Variants in GPRASP3 observed in about 807,000 individuals in gnomAD.
GPRASP3 encodes the protein G protein-coupled receptor associated sorting protein 3.
chrX:102,730,082 C>T, the GPRASP3 span, among the ~76,000 whole-genome samples: 3 of 111,768 alleles, frequency 2.7e-5, no homozygotes, highest in African/African-American at 9.8e-5. Flanking sequence ...AATAATTATA[C>T]AATTCACCAT....
chrX:102,728,242 A>G, the GPRASP3 span, among the ~76,000 whole-genome samples: 3 of 111,758 alleles, frequency 2.7e-5, no homozygotes, highest in East Asian at 8.4e-4. Context: ...TGTAGAAACA[A>G]GGTATAACTG....
the GPRASP3 span, among the ~76,000 whole-genome samples, chrX:102,731,408 G>A: frequency 1.8e-5 from 2 of 111,972 alleles, no homozygotes; most frequent in African/African-American, 6.5e-5. Flanking sequence ...CAGATCACAA[G>A]GTCAGGGGTT....
At chrX:102,722,392 T>C in the GPRASP3 span, among the ~76,000 whole-genome samples, 1 of 112,613 alleles carries the variant, frequency 8.9e-6, no homozygotes, top group Non-Finnish European at 1.9e-5. Context: ...CATGTGGATT[T>C]GGGGTACACC....
the GPRASP3 span, chrX:102,751,446 TAGAG>T: frequency 8.1e-6 from 1 of 123,062 alleles, no homozygotes; most frequent in Admixed American, 9.5e-5. Context: ...CAATGAGAAT[TAGAG>T]AGGTTAAATA....
chrX:102,749,701 C>G, the GPRASP3 span: 1 of 1,209,068 alleles, frequency 8.3e-7, no homozygotes, highest in African/African-American at 1.8e-5. Context: ...ATTTAGATCC[C>G]AGGCACCATC....
the GPRASP3 span, among the ~76,000 whole-genome samples, chrX:102,740,919 C>T: frequency 9.0e-6 from 1 of 111,250 alleles, no homozygotes; most frequent in Non-Finnish European, 1.9e-5. Context: ...AAAAACTGCA[C>T]ACGGGGGTCA....
At chrX:102,744,728 G>A in the GPRASP3 span, among the ~76,000 whole-genome samples, 6 of 111,852 alleles carry the variant, frequency 5.4e-5, no homozygotes, top group African/African-American at 1.6e-4. Flanking sequence ...ACAGAAAGCA[G>A]CTGTGGGTGG....
At chrX:102,729,687 T>C in the GPRASP3 span, among the ~76,000 whole-genome samples, 1 of 111,730 alleles carries the variant, frequency 9.0e-6, no homozygotes, top group African/African-American at 3.3e-5. Flanking sequence ...CTGGCCAACA[T>C]GGAGAAACCC....
At chrX:102,735,354 C>T in the GPRASP3 span, among the ~76,000 whole-genome samples, 1 of 110,498 alleles carries the variant, frequency 9.0e-6, no homozygotes, top group Non-Finnish European at 1.9e-5. Context: ...TACGGAAAAA[C>T]TGTATAATAC....
the GPRASP3 span, among the ~76,000 whole-genome samples, chrX:102,723,851 T>C: frequency 9.0e-6 from 1 of 111,309 alleles, no homozygotes; most frequent in Non-Finnish European, 1.9e-5. Context: ...TTAATCAATC[T>C]TGCCTATGTA....
the GPRASP3 span, among the ~76,000 whole-genome samples, chrX:102,727,476 G>A: frequency 1.2e-4 from 13 of 112,215 alleles, no homozygotes; most frequent in East Asian, 2.8e-4. Context: ...TAGATTATCC[G>A]TAGACCAAAG....
At chrX:102,724,812 CAAT>C in the GPRASP3 span, among the ~76,000 whole-genome samples, 2 of 109,321 alleles carry the variant, frequency 1.8e-5, no homozygotes. Flanking sequence ...AATCCTTCCT[CAAT>C]TATTTTTCTG....
the GPRASP3 span, among the ~76,000 whole-genome samples, chrX:102,737,070 GA>G: frequency 9.0e-6 from 1 of 111,636 alleles, no homozygotes; most frequent in African/African-American, 3.3e-5. Flanking sequence ...AGAGTGGCAA[GA>G]AGACAAAATA....
the GPRASP3 span, among the ~76,000 whole-genome samples, chrX:102,723,965 A>G: frequency 8.9e-6 from 1 of 111,946 alleles, no homozygotes; most frequent in Non-Finnish European, 1.9e-5. Flanking sequence ...CTCCATAAGG[A>G]GAGGGTATGG....
chrX:102,753,337 A>G, the GPRASP3 span: 2 of 123,460 alleles, frequency 1.6e-5, no homozygotes, highest in Non-Finnish European at 1.9e-5. Flanking sequence ...GCCAAGTAGT[A>G]TTCCACCATA....
chrX:102,731,242 C>T, the GPRASP3 span, among the ~76,000 whole-genome samples: 1 of 112,654 alleles, frequency 8.9e-6, no homozygotes, highest in East Asian at 2.8e-4. Flanking sequence ...CAATTCTTGC[C>T]TGCTCAGAAG....
At chrX:102,752,360 A>T in the GPRASP3 span, 25 of 123,593 alleles carry the variant, frequency 2.0e-4, no homozygotes, top group Non-Finnish European at 3.9e-4. Flanking sequence ...ACAAGATCAT[A>T]CTGTAAATGT....
chrX:102,751,147 A>G, the GPRASP3 span: 1 of 124,342 alleles, frequency 8.0e-6, no homozygotes, highest in East Asian at 2.8e-4. Context: ...TTCCAGCTGT[A>G]TCAGATACTC....
the GPRASP3 span, among the ~76,000 whole-genome samples, chrX:102,734,419 C>A: frequency 8.9e-6 from 1 of 112,123 alleles, no homozygotes; most frequent in East Asian, 2.8e-4. Context: ...GAGTTTGAGA[C>A]CAGCCTGGCC....
Sources: allele counts gnomAD v4.1 joint callset (sites outside exome capture counted in the v4.1 genomes callset), GRCh38; gene constraint gnomAD v4.1.1; transcripts MANE v1.5; gene names NCBI Gene and HGNC (gene_info 2026-07-23, HGNC 2026-07-21).